Variants in KIRREL3 observed in about 807,000 individuals in gnomAD.
KIRREL3 encodes kirre like nephrin family adhesion molecule 3.
Under a neutral mutation model 89.7 loss-of-function variants are expected in KIRREL3, and 36 were observed. The ratio of observed to expected loss-of-function variants is 0.40; its 90% confidence interval spans 0.31 to 0.53. The LOEUF is 0.53. Ranked by LOEUF, KIRREL3 falls within the 20% of genes least tolerant of loss-of-function variation. The pLI is 0.49. For synonymous variants in KIRREL3, 445 were observed against 441.4 expected (o/e 1.01, Z -0.10); for missense variants, 864 against 1,056.6 (o/e 0.82, Z 2.53).
chr11:126,929,223 G>C (rs1003343473), intron 1 of KIRREL3, among the ~76,000 whole-genome samples: 1 of 152,162 alleles, frequency 6.6e-6, no homozygotes, highest in African/African-American at 2.4e-5. Flanking sequence ...AGAGGTCAAA[G>C]TCCCCAGGAA....
Position 126,429,383 on chromosome 11 carries a change from C to T in KIRREL3, c.1697-95G>A. On this transcript the variant is annotated intron_variant, in intron 14 of 16. Coordinates refer to ENST00000525144, the MANE Select transcript of KIRREL3 (RefSeq NM_032531.4). The surrounding 1 kb of genome is among the most constrained non-coding windows in gnomAD (Gnocchi z 5.2). ...AGTCCCCTGCCCCTGCCCTGCCACC[C>T]TCTGCATTTCCCCTCCAGCCCCTGA... 1 of 809,392 alleles carries T rather than the reference C, an allele frequency of 1.2e-6. No homozygotes were observed. The highest frequency in any genetic ancestry group is 2.1e-6 in the Non-Finnish European group (1 of 478,608). The allele number at this position is 809,392 out of a possible 1,614,324, so 50.1% of individuals were successfully genotyped here. A position where few individuals can be genotyped will look rare whatever the true frequency, so the allele number is the denominator to read the frequency against.
At chr11:126,466,637 A>T (rs1956735190) in intron 5 of KIRREL3, among the ~76,000 whole-genome samples, 1 of 152,080 alleles carries the variant, frequency 6.6e-6, no homozygotes, top group Admixed American at 6.5e-5. Context: ...AATCTCCCCT[A>T]ATTGTCACTT....
At chr11:127,001,306 G>T (rs555160695), upstream of KIRREL3, 1 of 88,460 alleles carries the variant, frequency 1.1e-5, no homozygotes, top group Non-Finnish European at 2.2e-5. Flanking sequence ...GTGGGTGGGT[G>T]GTTGTGGTGG....
At position 126,783,774 on chromosome 11, in the gene KIRREL3, G is replaced by A. The variant is rs537788375; in HGVS notation, c.55+216681C>T. Among the ~76,000 whole-genome samples, 37 of 152,326 alleles carry A rather than the reference G, an allele frequency of 2.4e-4. No individual in the cohort carries two copies. Among genetic ancestry groups the A allele is most frequent in the African/African-American group, 8.9e-4 (37 of 41,570 alleles). ...GAGTATAGCTTCCCGCTCCTTAAGCGTGGGCTGCACATAGTGACTTCCTTC... is the reference window on the plus strand; with the variant it reads ...GAGTATAGCTTCCCGCTCCTTAAGCATGGGCTGCACATAGTGACTTCCTTC... On this transcript the variant is annotated intron_variant, in intron 1 of 16. Coordinates refer to ENST00000525144, the MANE Select transcript of KIRREL3 (RefSeq NM_032531.4). The surrounding 1 kb of genome is among the most constrained non-coding windows in gnomAD (Gnocchi z 4.3).
At chr11:126,426,977 G>A (rs1464275414) in intron 15 of KIRREL3, among the ~76,000 whole-genome samples, 1 of 152,142 alleles carries the variant, frequency 6.6e-6, no homozygotes, top group Non-Finnish European at 1.5e-5. Flanking sequence ...CGAGAATGAC[G>A]ATATCCTCAA....
rs1958590058 is a variant in KIRREL3, at chr11:126,521,652, T to C, written c.284-188A>G. Among the ~76,000 whole-genome samples, 1 of 150,918 alleles carries C rather than the reference T, an allele frequency of 6.6e-6. No homozygotes were observed. Among genetic ancestry groups the C allele is most frequent in the Admixed American group, 6.6e-5 (1 of 15,166 alleles). Reference sequence around the variant, plus strand: ...GAGCTTTCCCAAGGCATTGAAGGTGTTGGTTCTCTCTCTCTCTCTCTGTAT... The same window carrying C: ...GAGCTTTCCCAAGGCATTGAAGGTGCTGGTTCTCTCTCTCTCTCTCTGTAT... On this transcript the variant is annotated intron_variant, in intron 3 of 16. Coordinates refer to ENST00000525144, the MANE Select transcript of KIRREL3 (RefSeq NM_032531.4). This position sits in a 1 kb window ranked among gnomAD's most constrained non-coding sequence, Gnocchi z 4.1.
In KIRREL3 at chr11:126,917,414, C is replaced by T. The variant is rs1947083973; in HGVS notation, c.55+83041G>A. Among the ~76,000 whole-genome samples the T allele has an allele frequency of 2.0e-5, 3 of 152,076 alleles. No homozygotes were observed. In the South Asian group the frequency reaches 6.2e-4, roughly 32 times the overall value. On this transcript the variant is annotated intron_variant, in intron 1 of 16. Transcript: ENST00000525144. The surrounding 1 kb of genome is among the most constrained non-coding windows in gnomAD (Gnocchi z 5.0). The stretch of plus-strand genomic sequence containing the variant: ...CACAACATTGTCAATATAGTTAATG[C>T]CACTAAACCGTATACTTAAAAGTGG...
At position 126,879,140 on chromosome 11, in the gene KIRREL3, T is replaced by A. The variant is rs1945402721; in HGVS notation, c.55+121315A>T. ...CAGCAAAGGGAGGAAATAGTCTGAG[T>A]CCAGCTAAATGTAAAGAGGGAAACT... On this transcript the variant is annotated intron_variant, in intron 1 of 16. Transcript: ENST00000525144. The surrounding 1 kb of genome is among the most constrained non-coding windows in gnomAD (Gnocchi z 5.4). Among the ~76,000 whole-genome samples the A allele has an allele frequency of 6.6e-6, 1 of 152,102 alleles. No individual in the cohort carries two copies. Among genetic ancestry groups the A allele is most frequent in the South Asian group, 2.1e-4 (1 of 4,822 alleles).
rs1280346467 is a variant in KIRREL3, at chr11:126,682,771, A to C, written c.56-119859T>G. Among the ~76,000 whole-genome samples the C allele has an allele frequency of 6.6e-6, 1 of 152,140 alleles. No individual in the cohort carries two copies. The highest frequency in any genetic ancestry group is 2.4e-5 in the African/African-American group (1 of 41,432). On this transcript the variant is annotated intron_variant, in intron 1 of 16. Transcript: ENST00000525144. The surrounding 1 kb of genome is among the most constrained non-coding windows in gnomAD (Gnocchi z 4.8). ...AATCTAACGCCTCTGCTGATCTGAC[A>C]GGAGGCAGAGTTCGGGCGGCAATGT...
chr11:126,672,807 T>G (rs1946015928), intron 1 of KIRREL3, among the ~76,000 whole-genome samples: 1 of 152,212 alleles, frequency 6.6e-6, no homozygotes, highest in African/African-American at 2.4e-5. Context: ...AGTGAGTTCC[T>G]CCCTTACTTG....
chr11:126,752,638 C>CA lies in KIRREL3; in HGVS notation c.56-189727dup, dbSNP rs1341076803. Among the ~76,000 whole-genome samples the CA allele has an allele frequency of 2.8e-4, 42 of 152,252 alleles. No individual in the cohort carries two copies. The highest frequency in any genetic ancestry group is 9.6e-4 in the African/African-American group (40 of 41,562). ...ACTCTAATGACTACTATTCCCCCCC[C>CA]ACCCACTGCCTCCCAAGATTCACAT... On this transcript the variant is annotated intron_variant, in intron 1 of 16. Coordinates refer to ENST00000525144, the MANE Select transcript of KIRREL3 (RefSeq NM_032531.4). This position sits in a 1 kb window ranked among gnomAD's most constrained non-coding sequence, Gnocchi z 4.8.
chr11:126,482,578 G>A (rs937677731), intron 4 of KIRREL3, among the ~76,000 whole-genome samples: 2 of 152,244 alleles, frequency 1.3e-5, no homozygotes, highest in Non-Finnish European at 2.9e-5. Context: ...GATGTGGCAT[G>A]TTATTGGTTC....
intron 2 of KIRREL3, among the ~76,000 whole-genome samples, chr11:126,529,637 C>T (rs4937148): frequency 5.1e-5 from 3 of 58,780 alleles, no homozygotes; most frequent in African/African-American, 8.1e-5. Context: ...TAGAGCCTCT[C>T]GCATTCTGTC....
chr11:126,468,940 A>G (rs1368409856), intron 5 of KIRREL3, among the ~76,000 whole-genome samples: 1 of 152,178 alleles, frequency 6.6e-6, no homozygotes, highest in Non-Finnish European at 1.5e-5. Flanking sequence ...TATGACACCG[A>G]TGTCTGCATA....
intron 1 of KIRREL3, among the ~76,000 whole-genome samples, chr11:126,775,714 G>A (rs920379568): frequency 1.3e-5 from 2 of 152,192 alleles, no homozygotes; most frequent in Non-Finnish European, 2.9e-5. Flanking sequence ...TTATGTATGT[G>A]CTCTTTCAAT....
In KIRREL3 at chr11:126,977,796, C is replaced by T. The variant is rs1949622026; in HGVS notation, c.55+22659G>A. On this transcript the variant is annotated intron_variant, in intron 1 of 16. Transcript: ENST00000525144. This position sits in a 1 kb window ranked among gnomAD's most constrained non-coding sequence, Gnocchi z 4.7. ...TGTCAAGAACACTGTTTCAGCAGGA[C>T]CAGCCTTCCAACCAGTGTCTGGAGA... Among the ~76,000 whole-genome samples the T allele has an allele frequency of 6.6e-6, 1 of 152,200 alleles. No homozygotes were observed. Among genetic ancestry groups the T allele is most frequent in the South Asian group, 2.1e-4 (1 of 4,834 alleles).
intron 1 of KIRREL3, among the ~76,000 whole-genome samples, chr11:126,616,898 T>G (rs532337423): frequency 3.3e-5 from 5 of 152,230 alleles, no homozygotes; most frequent in Non-Finnish European, 7.3e-5. Context: ...TGCCTTGGCC[T>G]CCCAAAGTGT....
chr11:126,452,515 G>C (rs1956215259), intron 7 of KIRREL3, among the ~76,000 whole-genome samples: 1 of 152,234 alleles, frequency 6.6e-6, no homozygotes, highest in Admixed American at 6.5e-5. Flanking sequence ...GGCTGGGGCT[G>C]GAGGGTTTGG....
intron 1 of KIRREL3, among the ~76,000 whole-genome samples, chr11:126,871,724 A>G (rs1172169177): frequency 6.6e-6 from 1 of 152,228 alleles, no homozygotes; most frequent in Non-Finnish European, 1.5e-5. Context: ...ATGGGCAGAA[A>G]GGAGCTTGTC....
Sources: gnomAD v4.1 joint callset for allele counts (sites outside exome capture counted in the v4.1 genomes callset) on GRCh38, gnomAD v4.1.1 for gene constraint, Gnocchi (gnomAD v3.1) non-coding constraint, MANE v1.5 for transcripts, NCBI Gene and HGNC (gene_info 2026-07-23, HGNC 2026-07-21) for gene names.